Variants in ZNF678 observed in about 807,000 individuals in gnomAD.
ZNF678 encodes the protein hypothetical protein MGC42493.
A neutral mutation model predicts 3.0 loss-of-function variants in ZNF678; 5 were observed. That is an observed-to-expected ratio of 1.69 (90% CI 0.88 to 3.56). The LOEUF (loss-of-function observed/expected upper bound fraction) is 3.56, where lower values mean the gene tolerates loss of function less well. ZNF678 is among the 30% of genes most tolerant of loss of function. ZNF678 has a pLI of 0.00. For missense variants in ZNF678, 593 were observed against 605.0 expected (o/e 0.98, Z 0.21); for synonymous variants, 218 against 199.6 (o/e 1.09, Z -0.78).
At chr1:227,606,483 T>C (rs1013085938) in intron 1 of ZNF678, among the ~76,000 whole-genome samples, 1 of 152,158 alleles carries the variant, frequency 6.6e-6, no homozygotes, top group Admixed American at 6.5e-5. Context: ...ATAGAACAAA[T>C]GGTCGGCTTT....
chr1:227,678,322 T>G (rs1659717188), downstream of ZNF678, among the ~76,000 whole-genome samples: 1 of 152,216 alleles, frequency 6.6e-6, no homozygotes, highest in African/African-American at 2.4e-5. Flanking sequence ...GTATGTTGGT[T>G]CTATACCAGG....
At chr1:227,573,288 T>A (rs1656901541) in intron 1 of ZNF678, among the ~76,000 whole-genome samples, 2 of 152,274 alleles carry the variant, frequency 1.3e-5, no homozygotes, top group Non-Finnish European at 2.9e-5. Flanking sequence ...TGTGTCATTG[T>A]CTGTTTTTAA....
chr1:227,586,176 T>C (rs569360845), intron 1 of ZNF678, among the ~76,000 whole-genome samples: 34 of 152,092 alleles, frequency 2.2e-4, no homozygotes, highest in African/African-American at 8.0e-4. Context: ...CTGGGCAACA[T>C]AGGAAGACCC....
rs150170587 is a variant in ZNF678 at position 227,624,740 on chromosome 1, G to A, written c.-163-21804G>A. ...TGTTCAGTTCAGTTAGGACAAACCC[G>A]GGCACTTACCCACGCAGGAACAATA... On this transcript the variant is annotated intron_variant, in intron 1 of 3. Coordinates refer to ENST00000343776, the MANE Select transcript of ZNF678 (RefSeq NM_001367909.1). Among the ~76,000 whole-genome samples, 824 of 152,296 alleles carry A rather than the reference G, an allele frequency of 5.4e-3. 7 individuals carry two copies. Among genetic ancestry groups the A allele is most frequent in the Middle Eastern group, 0.017 (5 of 292 alleles).
chr1:227,609,641 T>C (rs1657965147), intron 1 of ZNF678, among the ~76,000 whole-genome samples: 1 of 152,200 alleles, frequency 6.6e-6, no homozygotes, highest in South Asian at 2.1e-4. Flanking sequence ...TTTTTGTGAA[T>C]ATATATTTTA....
intron 1 of ZNF678, among the ~76,000 whole-genome samples, chr1:227,593,529 T>G (rs907402427): frequency 1.3e-5 from 2 of 152,116 alleles, no homozygotes; most frequent in Admixed American, 6.6e-5. Flanking sequence ...GAAATCTCCC[T>G]GGATTAATGG....
At chr1:227,599,236 T>C (rs573607185) in intron 1 of ZNF678, 56 of 712,730 alleles carry the variant, frequency 7.9e-5, no homozygotes, top group African/African-American at 6.8e-4. Context: ...TTAACAGTAT[T>C]GATCACATTC....
chr1:227,645,217 G>T (rs569017772), intron 1 of ZNF678, among the ~76,000 whole-genome samples: 1 of 152,280 alleles, frequency 6.6e-6, no homozygotes, highest in East Asian at 1.9e-4. Context: ...TGAAGGAGTT[G>T]TGCTGACATC....
At chr1:227,649,396 G>T (rs981202620) in intron 2 of ZNF678, among the ~76,000 whole-genome samples, 1 of 152,208 alleles carries the variant, frequency 6.6e-6, no homozygotes, top group South Asian at 2.1e-4. Context: ...TGTTGCCCAA[G>T]CTGGAGTGCA....
intron 1 of ZNF678, among the ~76,000 whole-genome samples, chr1:227,628,246 G>T (rs1658465368): frequency 6.6e-6 from 1 of 152,280 alleles, no homozygotes; most frequent in South Asian, 2.1e-4. Context: ...GCCATGTGTT[G>T]TAAGCTGGTC....
intron 1 of ZNF678, among the ~76,000 whole-genome samples, chr1:227,605,013 G>T (rs1404755660): frequency 6.6e-6 from 1 of 151,870 alleles, no homozygotes; most frequent in Non-Finnish European, 1.5e-5. Flanking sequence ...CCACCACCAC[G>T]CCCAACTAAT....
rs77511459 is a variant in ZNF678, at chr1:227,634,783, G to C, written c.-163-11761G>C. 4.5e-3 allele frequency among the ~76,000 whole-genome samples: 679 copies of C among 152,306 alleles called. 2 individuals carry two copies. The highest frequency in any genetic ancestry group is 0.015 in the African/African-American group (624 of 41,566). On this transcript the variant is annotated intron_variant, in intron 1 of 3. Coordinates refer to ENST00000343776, the MANE Select transcript of ZNF678 (RefSeq NM_001367909.1). ...ACCTCTGGACCTCTCTGGGGCCTAG[G>C]AGAACTTACTGCCCTGAAGGGAAGA...
chr1:227,605,398 C>G (rs1346586806), intron 1 of ZNF678, among the ~76,000 whole-genome samples: 2 of 152,258 alleles, frequency 1.3e-5, no homozygotes, highest in East Asian at 3.9e-4. Flanking sequence ...AAGAATTTTA[C>G]TCAGACAATG....
intron 1 of ZNF678, among the ~76,000 whole-genome samples, chr1:227,595,155 G>A (rs927121392): frequency 6.7e-6 from 1 of 148,180 alleles, no homozygotes; most frequent in Non-Finnish European, 1.5e-5. Context: ...AAGGTACGCT[G>A]TTTTTTTTTT....
intron 1 of ZNF678, among the ~76,000 whole-genome samples, chr1:227,623,296 G>T (rs1214725208): frequency 6.6e-6 from 1 of 152,220 alleles, no homozygotes; most frequent in African/African-American, 2.4e-5. Flanking sequence ...GAAAGTAGTA[G>T]GTTAGAGCAA....
chr1:227,667,708 A>C (rs1659527164), intron 5 of ZNF678, among the ~76,000 whole-genome samples: 1 of 152,234 alleles, frequency 6.6e-6, no homozygotes, highest in Admixed American at 6.5e-5. Context: ...GCAGCAGAAA[A>C]TATAAGTTAA....
Position 227,593,859 on chromosome 1 carries a change from C to T in ZNF678, c.-164+30135C>T, listed in dbSNP as rs1423945830. Among the ~76,000 whole-genome samples the T allele has an allele frequency of 7.6e-5, 5 of 65,886 alleles. No individual in the cohort carries two copies. The East Asian group carries it at 3.3e-3, about 43-fold the overall frequency. The allele number at this position is 65,886 out of a possible 152,430, so 43.2% of individuals were successfully genotyped here. On this transcript the variant is annotated intron_variant, in intron 1 of 3. Coordinates refer to ENST00000343776, the MANE Select transcript of ZNF678 (RefSeq NM_001367909.1). ...GACTCTGGTGTTATGAGTCCATCCC[C>T]CCCCCCCCTTTTTTTTTTTTTTGAT...
At chr1:227,606,389 C>A (rs1657871806) in intron 1 of ZNF678, among the ~76,000 whole-genome samples, 1 of 152,216 alleles carries the variant, frequency 6.6e-6, no homozygotes, top group South Asian at 2.1e-4. Context: ...ACCCAAACAT[C>A]TCAGTGTAGC....
At chr1:227,612,179 G>A (rs1658037075) in intron 1 of ZNF678, among the ~76,000 whole-genome samples, 1 of 152,180 alleles carries the variant, frequency 6.6e-6, no homozygotes, top group African/African-American at 2.4e-5. Flanking sequence ...TCTGGCATCA[G>A]ATAAACCCTT....
Sources: gnomAD v4.1 joint callset for allele counts (sites outside exome capture counted in the v4.1 genomes callset) on GRCh38, gnomAD v4.1.1 for gene constraint, MANE v1.5 for transcripts, NCBI Gene and HGNC (gene_info 2026-07-23, HGNC 2026-07-21) for gene names.